Variants in TBC1D32 observed in about 807,000 individuals in gnomAD.
TBC1D32 encodes the protein TBC1 domain family member 32.
A neutral mutation model predicts 170.3 loss-of-function variants in TBC1D32; 151 were observed. That is an observed-to-expected ratio of 0.89 (90% CI 0.78 to 1.01). The LOEUF (loss-of-function observed/expected upper bound fraction) is 1.01. TBC1D32 is among the 50% of genes least tolerant of loss of function. The pLI is 0.00. For synonymous variants in TBC1D32, 498 were observed against 488.0 expected (o/e 1.02, Z -0.27); for missense variants, 1,464 against 1,457.1 (o/e 1.00, Z -0.08).
intron 22 of TBC1D32, among the ~76,000 whole-genome samples, chr6:121,198,008 C>A (rs1226205976): frequency 6.6e-6 from 1 of 151,816 alleles, no homozygotes; most frequent in Non-Finnish European, 1.5e-5. Context: ...TTCTCCTGCG[C>A]TGGATGCTTC....
At chr6:121,114,055 T>C (rs1257455880) in intron 27 of TBC1D32, among the ~76,000 whole-genome samples, 1 of 152,016 alleles carries the variant, frequency 6.6e-6, no homozygotes, top group Non-Finnish European at 1.5e-5. Context: ...GCACCTGTAA[T>C]CCCAGCTACT....
intron 22 of TBC1D32, among the ~76,000 whole-genome samples, chr6:121,174,305 A>T (rs1312968262): frequency 1.3e-5 from 2 of 152,212 alleles, no homozygotes; most frequent in Non-Finnish European, 2.9e-5. Context: ...GAAAACTGAA[A>T]TAATCTAACA....
At chr6:121,188,941 A>G (rs1789569039) in intron 22 of TBC1D32, among the ~76,000 whole-genome samples, 1 of 152,170 alleles carries the variant, frequency 6.6e-6, no homozygotes, top group Non-Finnish European at 1.5e-5. Context: ...TCCAATAGAT[A>G]AAACAAAAAC....
At chr6:121,090,672 G>A (rs764912591) in intron 31 of TBC1D32, among the ~76,000 whole-genome samples, 181 bp downstream of exon 31, 2 of 152,064 alleles carry the variant, frequency 1.3e-5, no homozygotes, top group Non-Finnish European at 2.9e-5. Context: ...TTAGCTATAC[G>A]GTTTGGGGCA....
At chr6:121,253,285 A>C (rs1027645516) in intron 17 of TBC1D32, among the ~76,000 whole-genome samples, 2 of 152,202 alleles carry the variant, frequency 1.3e-5, no homozygotes, top group African/African-American at 4.8e-5. Context: ...TCTCATTAAA[A>C]AGTGGGCAAA....
rs922716217 is a variant in TBC1D32 at position 121,314,022 on chromosome 6, C to T, written c.496-3175G>A. Among the ~76,000 whole-genome samples, 21 of 152,214 alleles carry T rather than the reference C, an allele frequency of 1.4e-4. No homozygotes were observed. In the East Asian group the frequency reaches 4.1e-3, roughly 29 times the overall value. On this transcript the variant is annotated intron_variant, in intron 3 of 31. Coordinates refer to ENST00000398212, the MANE Select transcript of TBC1D32 (RefSeq NM_152730.6). ...AATGAGAGGAGAAAGGCCATGTACC[C>T]AATAAGGAAAAAAACCTACTCAAGA... is the stretch of plus-strand genomic sequence containing the variant.
chr6:121,118,188 AACAG>A (rs929785465), intron 26 of TBC1D32, among the ~76,000 whole-genome samples: 13 of 152,184 alleles, frequency 8.5e-5, no homozygotes, highest in African/African-American at 2.9e-4. Flanking sequence ...TGGAGAAGAA[AACAG>A]ACATAGACTT....
At chr6:121,147,279 C>T (rs1224877532) in intron 24 of TBC1D32, among the ~76,000 whole-genome samples, 1 of 152,108 alleles carries the variant, frequency 6.6e-6, no homozygotes, top group Non-Finnish European at 1.5e-5. Flanking sequence ...GCAATGAAAA[C>T]ACGAGTGCAT....
rs755647981 is a variant in TBC1D32 at position 121,308,083 on chromosome 6, G to T, written c.583C>A (p.Gln195Lys). The change falls in exon 5 of 32, where the codon CAA becomes AAA. Residue 195 changes from glutamine (Q) to lysine (K), a missense_variant. Physicochemically the swap from Gln to Lys is moderately conservative, Grantham distance 53. Transcript: ENST00000398212. ...QPKEVRYEAL[Q>K]TLCSAPPSDV... is the part of the protein sequence containing the mutation. ...GATGGAGGAGCTGAACATAATGTTT[G>T]CAAGGCTTCATATCTCACCTACAAT... 2 of 1,613,022 alleles carry T rather than the reference G, an allele frequency of 1.2e-6. No homozygotes were observed. Among genetic ancestry groups the T allele is most frequent in the Middle Eastern group, 3.3e-4 (2 of 6,054 alleles).
intron 20 of TBC1D32, among the ~76,000 whole-genome samples, chr6:121,230,042 G>A (rs9490142): frequency 0.048 from 7,309 of 152,032 alleles, 531 homozygotes; most frequent in African/African-American, 0.15. Context: ...CCCCAGACAT[G>A]TGGAACTATG....
intron 22 of TBC1D32, among the ~76,000 whole-genome samples, chr6:121,196,070 A>C (rs965202876): frequency 6.6e-6 from 1 of 152,214 alleles, no homozygotes; most frequent in South Asian, 2.1e-4. Flanking sequence ...AACCATGAAG[A>C]TACTTGTATC....
intron 12 of TBC1D32, among the ~76,000 whole-genome samples, chr6:121,284,910 C>T (rs1803562181): frequency 6.6e-6 from 1 of 151,960 alleles, no homozygotes; most frequent in African/African-American, 2.4e-5. Context: ...ACTGAGTGCT[C>T]ATTATGCATA....
rs566656313 is a variant in TBC1D32 at position 121,101,059 on chromosome 6, G to A, written c.3465+4964C>T. On this transcript the variant is annotated intron_variant, in intron 30 of 31. Coordinates refer to ENST00000398212, the MANE Select transcript of TBC1D32 (RefSeq NM_152730.6). The stretch of plus-strand genomic sequence containing the variant: ...CAGGAAGAAGTTGAATTCCTGAATC[G>A]ACCAATAACGGGCTCTGAAATTGAG... 2.8e-4 allele frequency among the ~76,000 whole-genome samples: 42 copies of A among 152,148 alleles called. No homozygotes were observed. In the South Asian group the frequency reaches 8.7e-3, roughly 32 times the overall value.
At chr6:121,142,986 T>C (rs2128227116) in intron 24 of TBC1D32, among the ~76,000 whole-genome samples, 1 of 152,306 alleles carries the variant, frequency 6.6e-6, no homozygotes, top group South Asian at 2.1e-4. Context: ...CCACCCAATC[T>C]GCTTGCGTCT....
chr6:121,260,912 T>C (rs564048981), intron 15 of TBC1D32, among the ~76,000 whole-genome samples: 2 of 152,270 alleles, frequency 1.3e-5, no homozygotes, highest in African/African-American at 4.8e-5. Context: ...GCTATCACTA[T>C]AGCTCCAGGC....
At position 121,283,913 on chromosome 6, in the gene TBC1D32, TTAAAAAGAAAA is replaced by T; in HGVS notation, c.1373-14_1373-4del. 1 of 1,577,198 alleles carries T rather than the reference TTAAAAAGAAAA, an allele frequency of 6.3e-7. No homozygotes were observed. The highest frequency in any genetic ancestry group is 8.7e-7 in the Non-Finnish European group (1 of 1,154,904). ...CAGATCTATGAGGGATACCAAACCT[TTAAAAAGAAAA>T]TAAAGAGAAAATTAATTTCTAGCAT... On this transcript the variant is annotated splice_polypyrimidine_tract_variant and splice_region_variant and intron_variant, in intron 12 of 31. Transcript: ENST00000398212.
chr6:121,273,971 T>C (rs4441982), intron 15 of TBC1D32, among the ~76,000 whole-genome samples: 4,989 of 152,174 alleles, frequency 0.033, 195 homozygotes, highest in East Asian at 0.12. Context: ...CCTACTCTGG[T>C]TGAGGAGGCT....
At chr6:121,253,336 C>G (rs761592987) in intron 17 of TBC1D32, among the ~76,000 whole-genome samples, 29 of 152,078 alleles carry the variant, frequency 1.9e-4, no homozygotes, top group Non-Finnish European at 2.9e-4. Flanking sequence ...AAACAGCCAA[C>G]GAGCACTTGA....
At chr6:121,170,904 AATC>A (rs1163788199) in intron 22 of TBC1D32, among the ~76,000 whole-genome samples, 1 of 152,102 alleles carries the variant, frequency 6.6e-6, no homozygotes. Flanking sequence ...GTTATGACAG[AATC>A]ATCATTTTGC....
Sources: allele counts gnomAD v4.1 joint callset (sites outside exome capture counted in the v4.1 genomes callset), GRCh38; gene constraint gnomAD v4.1.1; transcripts MANE v1.5; gene names NCBI Gene and HGNC (gene_info 2026-07-23, HGNC 2026-07-21).